PHF8: variants seen among roughly 807,000 people sequenced by gnomAD.
The protein encoded by PHF8 is histone lysine demethylase PHF8.
Under a neutral mutation model 74.4 loss-of-function variants are expected in PHF8, and 9 were observed. That is an observed-to-expected ratio of 0.12 (90% confidence interval 0.07 to 0.21). The LOEUF (loss-of-function observed/expected upper bound fraction) is 0.21, where lower values mean the gene tolerates loss of function less well. Among genes scored for constraint, PHF8 ranks in the 10% least tolerant of loss-of-function variants. The pLI is 1.00. For missense variants in PHF8, 478 were observed against 816.6 expected (o/e 0.59, Z 5.05); for synonymous variants, 311 against 316.6 (o/e 0.98, Z 0.19).
Position 53,939,170 on chromosome X carries a change from T to C in PHF8, c.3063A>G (p.Lys1021=). Residue 1021 remains lysine, a synonymous_variant, in exon 22 of 22, where the codon AAA becomes AAG. Coordinates refer to ENST00000338154, the MANE Select transcript of PHF8 (RefSeq NM_015107.3). ...GACACAGGAGGGCTCACAGAAGTAGTTTGCCATTTCTGTGGATTTTCAGGA... is the reference window on the plus strand; with the variant it reads ...GACACAGGAGGGCTCACAGAAGTAGCTTGCCATTTCTGTGGATTTTCAGGA... ...GRILKIHRNG[K]LLL is the part of the protein sequence containing the mutation. The C allele has an allele frequency of 8.3e-7, 1 of 1,207,920 alleles. No individual in the cohort carries two copies. Among genetic ancestry groups the C allele is most frequent in the Non-Finnish European group, 1.1e-6 (1 of 892,553 alleles).
chrX:54,027,999 C>T (rs782256466), intron 2 of PHF8, among the ~76,000 whole-genome samples: 163 of 109,950 alleles, frequency 1.5e-3, no homozygotes, highest in African/African-American at 5.0e-3. Flanking sequence ...CACACACACA[C>T]ACACACACAC....
chrX:53,995,751 T>G lies in PHF8; in HGVS notation c.1265A>C (p.Glu422Ala). 8.3e-7 allele frequency: 1 copy of G among 1,199,700 alleles called. No homozygotes were observed. Among genetic ancestry groups the G allele is most frequent in the Middle Eastern group, 2.3e-4 (1 of 4,324 alleles). ...AATGAGCTGTACGGTTCGCACTGTC[T>G]CCGGGATCTCATCCTCATGGTCTGG... ...ALPDHEDEIP[E>A]TVRTVQLIKD... Residue 422 changes from glutamate (E) to alanine (A), a missense_variant, in exon 12 of 22, where the codon GAG (glutamate) becomes GCG (alanine). Glu to Ala is a moderately radical substitution (Grantham distance 107). Coordinates refer to ENST00000338154, the MANE Select transcript of PHF8 (RefSeq NM_015107.3).
chrX:53,985,429 T>A (rs2065546953), intron 17 of PHF8, among the ~76,000 whole-genome samples: 1 of 111,484 alleles, frequency 9.0e-6, no homozygotes, highest in Admixed American at 9.5e-5. Context: ...GAAAAGCCAG[T>A]CCTTTTTGTG....
upstream of PHF8, among the ~76,000 whole-genome samples, chrX:54,046,421 A>G (rs1438985198): frequency 1.8e-5 from 2 of 110,343 alleles, no homozygotes; most frequent in Non-Finnish European, 3.8e-5. Context: ...CATATCTACT[A>G]AAAATAAAAA....
rs1212134380 is a variant in PHF8 at position 53,938,007 on chromosome X, A to G, written c.*1151T>C. 1 of 1,162,636 alleles carries G rather than the reference A, an allele frequency of 8.6e-7. No homozygotes were observed. Among genetic ancestry groups the G allele is most frequent in the Admixed American group, 2.6e-5 (1 of 38,123 alleles). On this transcript the variant is annotated 3_prime_UTR_variant, in exon 22 of 22. Transcript: ENST00000338154. The stretch of plus-strand genomic sequence containing the variant: ...CACGGATGGGCGTCTCTTCTCTTCA[A>G]CTTGGGCTCGTGAATGGCCTGTCTG...
At chrX:54,042,932 G>C (rs1041136012) in intron 1 of PHF8, 112 bp from the exon 2 acceptor site, 1 of 629,180 alleles carries the variant, frequency 1.6e-6, no homozygotes, top group Non-Finnish European at 2.3e-6. Context: ...AACACAGCTG[G>C]TGCGGCTGTA....
intron 13 of PHF8, 143 bp downstream of exon 13, chrX:53,993,458 C>A (rs1603321196): frequency 2.0e-6 from 1 of 495,455 alleles, no homozygotes; most frequent in East Asian, 3.6e-5. Flanking sequence ...TCAATAAATG[C>A]CTATTAAATG....
chrX:53,998,623 G>GC (rs1161638783), intron 11 of PHF8, among the ~76,000 whole-genome samples: 1 of 110,709 alleles, frequency 9.0e-6, no homozygotes, highest in Admixed American at 9.7e-5. Context: ...ATATATCCAG[G>GC]CAAGTATATA....
intron 18 of PHF8, among the ~76,000 whole-genome samples, chrX:53,975,612 T>A (rs1378816264): frequency 1.8e-5 from 2 of 112,148 alleles, no homozygotes; most frequent in Non-Finnish European, 3.8e-5. Context: ...TTAAGTGAAA[T>A]AAGCCAGGAA....
chrX:53,974,119 G>A (rs1471502712), intron 18 of PHF8, among the ~76,000 whole-genome samples: 1 of 110,506 alleles, frequency 9.0e-6, no homozygotes, highest in Admixed American at 9.7e-5. Context: ...AATTAGCTGG[G>A]CGTGGTGGCA....
At chrX:53,991,622 C>T (rs2065661991) in intron 14 of PHF8, among the ~76,000 whole-genome samples, 1 of 96,039 alleles carries the variant, frequency 1.0e-5, no homozygotes, top group African/African-American at 4.1e-5. Flanking sequence ...GAGATCGCAC[C>T]ACTGCATTCC....
chrX:53,968,081 C>T (rs1265292994), intron 18 of PHF8, among the ~76,000 whole-genome samples: 1 of 103,310 alleles, frequency 9.7e-6, no homozygotes, highest in Non-Finnish European at 2.0e-5. Flanking sequence ...TGCCAAATCC[C>T]TCTCTGTGAG....
chrX:54,019,752 C>A (rs1200267417), intron 4 of PHF8, among the ~76,000 whole-genome samples: 1 of 91,036 alleles, frequency 1.1e-5, no homozygotes, highest in Non-Finnish European at 2.1e-5. Flanking sequence ...TGCACCACTG[C>A]ACTCCAGCCT....
intron 2 of PHF8, among the ~76,000 whole-genome samples, chrX:54,032,408 A>C (rs782013007): frequency 1.8e-5 from 2 of 110,626 alleles, no homozygotes; most frequent in Non-Finnish European, 3.8e-5. Context: ...CTCTGTTCCA[A>C]TAGCATTGGA....
At position 53,941,015 on chromosome X, in the gene PHF8, A is replaced by T. The variant is rs142018058; in HGVS notation, c.2650-499T>A. Among the ~76,000 whole-genome samples the T allele has an allele frequency of 3.7e-3, 421 of 112,443 alleles. 4 individuals carry two copies. The highest frequency in any genetic ancestry group is 0.013 in the African/African-American group (406 of 30,953). On this transcript the variant is annotated intron_variant, in intron 20 of 21. Transcript: ENST00000338154. ...GAAAAGTAGTTGGGACCACTATCTA[A>T]CCAGGTCTATCTGAAGAGACACCTT...
In PHF8 at chrX:54,011,183, G is replaced by A; in HGVS notation, c.885C>T (p.Asp295=). 1 of 1,208,108 alleles carries A rather than the reference G, an allele frequency of 8.3e-7. No individual in the cohort carries two copies. Among genetic ancestry groups the A allele is most frequent in the South Asian group, 1.8e-5 (1 of 56,905 alleles). The change falls in exon 8 of 22, where the codon GAC becomes GAT. Residue 295 remains aspartate, a synonymous_variant. Transcript: ENST00000338154. ...AACACTTGTAGCACTTGTCCACCTG[G>A]TCCCCAAAGAACATCTCATTCTGAT... ...SSNQNEMFFG[D]QVDKCYKCSV...
Position 53,953,657 on chromosome X carries a change from A to G in PHF8, c.2539+9187T>C, listed in dbSNP as rs58507461. On this transcript the variant is annotated intron_variant, in intron 19 of 21. Coordinates refer to ENST00000338154, the MANE Select transcript of PHF8 (RefSeq NM_015107.3). ...ACACTCTGTCTCAAAAAAAAAAAAA[A>G]GCGGGGGGGGTCCTAGAAAATAGCT... 4.2e-3 allele frequency among the ~76,000 whole-genome samples: 399 copies of G among 95,302 alleles called. 1 individual carries two copies. Among genetic ancestry groups the G allele is most frequent in the African/African-American group, 0.015 (376 of 24,283 alleles). 82.8% of individuals were successfully genotyped at this position (95,302 alleles called of 115,157 possible). A position where few individuals can be genotyped will look rare whatever the true frequency, so the allele number is the denominator to read the frequency against.
intron 19 of PHF8, among the ~76,000 whole-genome samples, chrX:53,947,221 A>G (rs1213142295): frequency 9.0e-6 from 1 of 111,540 alleles, no homozygotes; most frequent in Non-Finnish European, 1.9e-5. Flanking sequence ...CATGTTGGCC[A>G]GGATGGTCTT....
chrX:54,022,702 T>C, intron 3 of PHF8, 56 bp downstream of exon 3: 3 of 824,598 alleles, frequency 3.6e-6, no homozygotes, highest in Non-Finnish European at 3.6e-6. Context: ...CCAAATTTCC[T>C]TTCCTTTGTC....
Sources: allele counts gnomAD v4.1 joint callset (sites outside exome capture counted in the v4.1 genomes callset), GRCh38; gene constraint gnomAD v4.1.1; transcripts MANE v1.5; gene names NCBI Gene and HGNC (gene_info 2026-07-23, HGNC 2026-07-21).